Variants in SLC17A8 observed in about 807,000 individuals in gnomAD.
SLC17A8 encodes the protein solute carrier family 17 member 8, also known as vesicular glutamate transporter 3.
Under a neutral mutation model 58.0 loss-of-function variants are expected in SLC17A8, and 31 were observed. That is an observed-to-expected ratio of 0.53 (90% confidence interval 0.40 to 0.72). The LOEUF (loss-of-function observed/expected upper bound fraction) is 0.72, where lower values mean the gene tolerates loss of function less well. Ranked by LOEUF, SLC17A8 falls within the 30% of genes least tolerant of loss-of-function variation. SLC17A8 has a pLI of 0.00. For synonymous variants in SLC17A8, 228 were observed against 249.0 expected, an observed-to-expected ratio of 0.92 and a Z score of 0.79; for missense variants, 655 against 727.8, an observed-to-expected ratio of 0.90 and a Z score of 1.15.
intron 5 of SLC17A8, among the ~76,000 whole-genome samples, chr12:100,397,701 G>A (rs376609762): frequency 8.5e-5 from 13 of 152,254 alleles, no homozygotes; most frequent in African/African-American, 2.6e-4. Flanking sequence ...CCAGCACTTT[G>A]GGAGGCTGAG....
intron 1 of SLC17A8, among the ~76,000 whole-genome samples, chr12:100,367,748 T>C (rs557168413): frequency 1.3e-3 from 202 of 152,216 alleles, no homozygotes; most frequent in Non-Finnish European, 2.5e-3. Flanking sequence ...GACGAAGGTC[T>C]CGCTATGTTG....
At chr12:100,405,094 A>AGCAG (rs1952818017) in intron 9 of SLC17A8, among the ~76,000 whole-genome samples, 1 of 152,270 alleles carries the variant, frequency 6.6e-6, no homozygotes, top group African/African-American at 2.4e-5. Flanking sequence ...GGGACACAGG[A>AGCAG]GCAGGCATGA....
chr12:100,420,182 T>C lies in SLC17A8; in HGVS notation c.*23T>C, dbSNP rs1952938914. 6 of 1,582,824 alleles carry C rather than the reference T, an allele frequency of 3.8e-6. No homozygotes were observed. The highest frequency in any genetic ancestry group is 5.2e-6 in the Non-Finnish European group (6 of 1,158,250). The stretch of plus-strand genomic sequence containing the variant: ...TAATGTCTGAGAGGCACTTCTGTCT[T>C]CTCCTTACTTTAGAAACAGAAAGTA... On this transcript the variant is annotated 3_prime_UTR_variant, in exon 12 of 12. Coordinates refer to ENST00000323346, the MANE Select transcript of SLC17A8 (RefSeq NM_139319.3).
At chr12:100,396,221 T>C (rs945074696) in intron 4 of SLC17A8, 109 bp from the exon 5 acceptor site, 5 of 851,988 alleles carry the variant, frequency 5.9e-6, no homozygotes, top group African/African-American at 5.0e-5. Context: ...ACAGTGTCTG[T>C]AAATTGGGCT....
At chr12:100,382,686 C>A (rs1402391914) in intron 2 of SLC17A8, among the ~76,000 whole-genome samples, 1 of 152,198 alleles carries the variant, frequency 6.6e-6, no homozygotes, top group Non-Finnish European at 1.5e-5. Context: ...GGAGCCCATA[C>A]TGTGCTGTGT....
chr12:100,357,644 T>A, intron 1 of SLC17A8, 152 bp downstream of exon 1: 1 of 671,312 alleles, frequency 1.5e-6, no homozygotes, highest in Non-Finnish European at 2.7e-6. Context: ...GCTCCAGTAG[T>A]CTATGCCTGG....
intron 3 of SLC17A8, among the ~76,000 whole-genome samples, chr12:100,392,653 C>T (rs1284850419): frequency 6.6e-6 from 1 of 152,072 alleles, no homozygotes; most frequent in African/African-American, 2.4e-5. Context: ...TCTAATTTCC[C>T]AGCACATAAA....
At chr12:100,390,399 T>C (rs1042547617) in intron 2 of SLC17A8, among the ~76,000 whole-genome samples, 1 of 151,814 alleles carries the variant, frequency 6.6e-6, no homozygotes, top group African/African-American at 2.4e-5. Context: ...CAAGCTGGAA[T>C]GCAGTGGTGC....
At chr12:100,414,800 C>CA (rs1952894648) in intron 10 of SLC17A8, among the ~76,000 whole-genome samples, 1 of 152,216 alleles carries the variant, frequency 6.6e-6, no homozygotes, top group South Asian at 2.1e-4. Flanking sequence ...CAGCCCAGTG[C>CA]CTCTCAAAGT....
At chr12:100,364,728 T>G (rs1423602414) in intron 1 of SLC17A8, among the ~76,000 whole-genome samples, 2 of 152,238 alleles carry the variant, frequency 1.3e-5, no homozygotes, top group Non-Finnish European at 2.9e-5. Context: ...TTGCTTTAAA[T>G]GTCCCCTGAC....
At chr12:100,394,398 C>CTTTTTTTTTTTT in intron 4 of SLC17A8, among the ~76,000 whole-genome samples, 1 of 112,758 alleles carries the variant, frequency 8.9e-6, no homozygotes, top group Non-Finnish European at 1.9e-5. Context: ...ACATCTTTTC[C>CTTTTTTTTTTTT]TTTTTTTTTT....
At position 100,402,262 on chromosome 12, in the gene SLC17A8, T is replaced by C. The variant is rs979477866; in HGVS notation, c.764-78T>C. 193 of 1,549,156 alleles carry C rather than the reference T, an allele frequency of 1.2e-4. 2 individuals are homozygous for C. Among genetic ancestry groups the C allele is most frequent in the Middle Eastern group, 2.0e-4 (1 of 4,920 alleles). On this transcript the variant is annotated intron_variant, in intron 6 of 11. Transcript: ENST00000323346. ...TTACCCATTTTACCTGAAAAAAATA[T>C]ATATGGTAAAAATTGAAAAATTTAG... is the stretch of plus-strand genomic sequence containing the variant.
At chr12:100,384,897 C>T (rs1309522311) in intron 2 of SLC17A8, among the ~76,000 whole-genome samples, 1 of 152,164 alleles carries the variant, frequency 6.6e-6, no homozygotes, top group Non-Finnish European at 1.5e-5. Context: ...TTCTTGGAGT[C>T]AGCTCCGTTT....
At chr12:100,381,077 A>G in intron 2 of SLC17A8, 124 bp downstream of exon 2, 1 of 1,077,100 alleles carries the variant, frequency 9.3e-7, no homozygotes, top group Non-Finnish European at 1.4e-6. Flanking sequence ...GTTGAAATTA[A>G]CCTCCCATCT....
chr12:100,386,943 G>A (rs918041025), intron 2 of SLC17A8, among the ~76,000 whole-genome samples: 2 of 151,996 alleles, frequency 1.3e-5, no homozygotes, highest in African/African-American at 4.8e-5. Flanking sequence ...CCCGCCTTGG[G>A]CTCCCAAAGT....
chr12:100,379,690 G>A (rs780739614), intron 1 of SLC17A8, among the ~76,000 whole-genome samples: 23 of 151,970 alleles, frequency 1.5e-4, no homozygotes, highest in Non-Finnish European at 2.5e-4. Context: ...ATAGGGTTCC[G>A]TTTGTCCAAT....
At chr12:100,362,844 T>C (rs570173269) in intron 1 of SLC17A8, among the ~76,000 whole-genome samples, 26 of 152,284 alleles carry the variant, frequency 1.7e-4, no homozygotes, top group African/African-American at 6.0e-4. Flanking sequence ...TCTGTTTGCT[T>C]GTCTGATGGG....
chr12:100,359,327 A>G (rs1323189536), intron 1 of SLC17A8, among the ~76,000 whole-genome samples: 1 of 152,120 alleles, frequency 6.6e-6, no homozygotes, highest in Admixed American at 6.5e-5. Flanking sequence ...TTGATCGAAG[A>G]GCCGGTTTTG....
intron 2 of SLC17A8, 96 bp from the exon 3 acceptor site, chr12:100,390,905 G>T (rs1952710955): frequency 1.2e-6 from 1 of 827,372 alleles, no homozygotes; most frequent in East Asian, 2.4e-5. Context: ...AAAAAAGAAA[G>T]ACCTCATGAG....
Sources: gnomAD v4.1 joint callset for allele counts (sites outside exome capture counted in the v4.1 genomes callset) on GRCh38, gnomAD v4.1.1 for gene constraint, MANE v1.5 for transcripts, NCBI Gene and HGNC (gene_info 2026-07-23, HGNC 2026-07-21) for gene names.